The following THOC7 variants were observed in gnomAD, a reference collection of about 807,000 sequenced individuals.
The protein encoded by THOC7 is THO complex subunit 7, also known as NIF3L1-binding protein 1.
Under a neutral mutation model 33.1 loss-of-function variants are expected in THOC7, and 22 were observed. The observed-to-expected ratio is 0.66, with a 90% confidence interval of 0.47 to 0.95. THOC7 has a LOEUF of 0.95. Ranked by LOEUF, THOC7 falls within the 40% of genes least tolerant of loss-of-function variation. THOC7 has a pLI of 0.00. For missense variants in THOC7, 184 were observed against 245.3 expected, an observed-to-expected ratio of 0.75 and a Z score of 1.67; for synonymous variants, 77 against 76.8, an observed-to-expected ratio of 1.00 and a Z score of -0.01.
At chr3:63,859,606 G>A (rs2107168000) in intron 1 of THOC7, among the ~76,000 whole-genome samples, 1 of 152,332 alleles carries the variant, frequency 6.6e-6, no homozygotes, top group Non-Finnish European at 1.5e-5. Context: ...TTCATTCTCA[G>A]AACTTAATTA....
At chr3:63,845,811 T>C (rs997029590) in intron 1 of THOC7, among the ~76,000 whole-genome samples, 5 of 152,216 alleles carry the variant, frequency 3.3e-5, no homozygotes, top group Non-Finnish European at 7.4e-5. Flanking sequence ...CTGGCCAGTC[T>C]GCCTTTTTTG....
At chr3:63,858,531 C>A (rs1702153385) in intron 1 of THOC7, among the ~76,000 whole-genome samples, 1 of 152,130 alleles carries the variant, frequency 6.6e-6, no homozygotes, top group African/African-American at 2.4e-5. Context: ...TCCACCCCAA[C>A]CCCTTTCTCC....
intron 7 of THOC7, among the ~76,000 whole-genome samples, 161 bp from the exon 8 acceptor site, chr3:63,834,360 T>TAA (rs879395587): frequency 6.8e-6 from 1 of 146,420 alleles, no homozygotes; most frequent in African/African-American, 2.5e-5. Context: ...AGACTTCACT[T>TAA]AAAAAAAAAA....
chr3:63,863,953 G>GCCGCCT (rs1373178389), upstream of THOC7: 1 of 83,824 alleles, frequency 1.2e-5, no homozygotes, highest in Non-Finnish European at 2.2e-5. Context: ...GCCGCGCCGC[G>GCCGCCT]CCGCCGCCGC....
chr3:63,849,112 G>A (rs1021345448), intron 1 of THOC7, among the ~76,000 whole-genome samples: 25 of 152,054 alleles, frequency 1.6e-4, no homozygotes, highest in Admixed American at 5.2e-4. Context: ...CTTCACCTGG[G>A]CATGGTGGCT....
rs12636035 is a variant in THOC7, at chr3:63,836,940, C to T, written c.353-582G>A. On this transcript the variant is annotated intron_variant, in intron 4 of 7. Coordinates refer to ENST00000295899, the MANE Select transcript of THOC7 (RefSeq NM_025075.4). ...GGATTTACTTAAAAGCCTCATTAAC[C>T]AACGAAAACACTGCAAAATATTTTT... 2.9e-3 allele frequency among the ~76,000 whole-genome samples: 437 copies of T among 151,286 alleles called. 13 individuals carry two copies. In the East Asian group the frequency reaches 0.077, roughly 27 times the overall value.
At chr3:63,857,327 T>C (rs1259204471) in intron 1 of THOC7, among the ~76,000 whole-genome samples, 1 of 152,210 alleles carries the variant, frequency 6.6e-6, no homozygotes, top group Non-Finnish European at 1.5e-5. Flanking sequence ...CTCAGGTACT[T>C]CATTTTCTCT....
chr3:63,836,355 T>C lies in THOC7; in HGVS notation c.356A>G (p.Tyr119Cys). The C allele has an allele frequency of 6.2e-7, 1 of 1,612,322 alleles. No individual in the cohort carries two copies. Among genetic ancestry groups the C allele is most frequent in the Admixed American group, 1.7e-5 (1 of 59,966 alleles). ...CTGAATCACTTTTGCCAAAGCATCA[T>C]ATTCTGTAAGACATAAAAATATTTA... is the stretch of plus-strand genomic sequence containing the variant. Reference protein sequence around the residue: ...AKRIRKNRQEYDALAKVIQHH... With the variant: ...AKRIRKNRQECDALAKVIQHH... Residue 119 changes from tyrosine (Y) to cysteine (C), a missense_variant, in exon 5 of 8, where the codon TAT becomes TGT. By Grantham distance (194) the Tyr-to-Cys change is radical. Coordinates refer to ENST00000295899, the MANE Select transcript of THOC7 (RefSeq NM_025075.4).
chr3:63,849,069 T>C (rs1047983296), intron 1 of THOC7, among the ~76,000 whole-genome samples: 16 of 152,230 alleles, frequency 1.1e-4, no homozygotes, highest in Admixed American at 1.0e-3. Flanking sequence ...CTGACAGGAA[T>C]ACCATATTTG....
At chr3:63,842,900 G>C (rs1701798517) in intron 1 of THOC7, among the ~76,000 whole-genome samples, 1 of 151,852 alleles carries the variant, frequency 6.6e-6, no homozygotes, top group Non-Finnish European at 1.5e-5. Context: ...TCCTACCTCA[G>C]CCTCCCAAGT....
intron 1 of THOC7, chr3:63,861,355 G>A (rs777339597): frequency 6.6e-6 from 1 of 152,126 alleles, no homozygotes; most frequent in Non-Finnish European, 1.5e-5. Context: ...AGCACTAACA[G>A]GCACACAGTG....
At chr3:63,839,802 C>G (rs1242808156) in intron 1 of THOC7, 29 bp from the exon 2 acceptor site, 1 of 1,581,552 alleles carries the variant, frequency 6.3e-7, no homozygotes, top group African/African-American at 1.3e-5. Flanking sequence ...ATGTTACCAT[C>G]TGGCTCTTGG....
In THOC7 at chr3:63,840,791, A is replaced by G. The variant is rs142428625; in HGVS notation, c.20-1018T>C. ...CTATCAGATTGGCAAAAGATCTGAT[A>G]AAACTGTTGGCAAGGGTGTTAGAAA... On this transcript the variant is annotated intron_variant, in intron 1 of 7. Coordinates refer to ENST00000295899, the MANE Select transcript of THOC7 (RefSeq NM_025075.4). 2.2e-3 allele frequency among the ~76,000 whole-genome samples: 334 copies of G among 152,330 alleles called. 1 individual carries two copies. The highest frequency in any genetic ancestry group is 7.0e-3 in the African/African-American group (291 of 41,574).
chr3:63,851,281 C>T (rs1164294560), intron 1 of THOC7, among the ~76,000 whole-genome samples: 2 of 152,204 alleles, frequency 1.3e-5, no homozygotes, highest in Non-Finnish European at 2.9e-5. Context: ...TAAACACATG[C>T]TGAGACTAGA....
At chr3:63,840,390 G>C (rs1701731230) in intron 1 of THOC7, among the ~76,000 whole-genome samples, 1 of 152,110 alleles carries the variant, frequency 6.6e-6, no homozygotes, top group African/African-American at 2.4e-5. Context: ...CCAGGAGTTT[G>C]AGACCAGCCT....
intron 1 of THOC7, among the ~76,000 whole-genome samples, chr3:63,840,671 G>A (rs935005870): frequency 6.6e-6 from 1 of 152,182 alleles, no homozygotes; most frequent in Non-Finnish European, 1.5e-5. Context: ...TGTCTGCCTG[G>A]CAGTCCTGAG....
chr3:63,847,512 C>T (rs1013674767), intron 1 of THOC7, among the ~76,000 whole-genome samples: 9 of 152,090 alleles, frequency 5.9e-5, no homozygotes, highest in African/African-American at 1.9e-4. Context: ...CAGAGGCGAG[C>T]GGATCACTTG....
At chr3:63,851,957 G>A (rs1299129615) in intron 1 of THOC7, among the ~76,000 whole-genome samples, 1 of 152,154 alleles carries the variant, frequency 6.6e-6, no homozygotes, top group Non-Finnish European at 1.5e-5. Flanking sequence ...CGGGTAGAAT[G>A]GTTTTGGAGG....
intron 1 of THOC7, 140 bp downstream of exon 1, chr3:63,863,632 A>G: frequency 8.3e-7 from 1 of 1,203,284 alleles, no homozygotes; most frequent in Non-Finnish European, 1.0e-6. Context: ...CTCCGGGGAG[A>G]GGTCGGGAAG....
Sources: gnomAD v4.1 joint callset for allele counts (sites outside exome capture counted in the v4.1 genomes callset) on GRCh38, gnomAD v4.1.1 for gene constraint, MANE v1.5 for transcripts, NCBI Gene and HGNC (gene_info 2026-07-23, HGNC 2026-07-21) for gene names.